Variants in NEBL observed in about 807,000 individuals in gnomAD.
NEBL encodes LIM and SH3 protein 2.
In NEBL, 122 loss-of-function variants were observed where a neutral mutation model predicts 140.2. The observed-to-expected ratio is 0.87, with a 90% CI of 0.75 to 1.01. The LOEUF is 1.01. NEBL is among the 50% of genes least tolerant of loss of function. NEBL has a pLI of 0.00. For missense variants in NEBL, 1,365 were observed against 1,231.3 expected (o/e 1.11, Z -1.62); for synonymous variants, 436 against 398.9 (o/e 1.09, Z -1.11).
At chr10:20,895,247 C>T (rs1024842290) in intron 2 of NEBL, among the ~76,000 whole-genome samples, 1 of 152,062 alleles carries the variant, frequency 6.6e-6, no homozygotes, top group African/African-American at 2.4e-5. Flanking sequence ...AATTGCACTT[C>T]AATAAAAATA....
chr10:21,243,666 A>G (rs1310930668), intron 3 of NEBL, among the ~76,000 whole-genome samples: 1 of 152,124 alleles, frequency 6.6e-6, no homozygotes, highest in African/African-American at 2.4e-5. Flanking sequence ...TAAAAATTTC[A>G]GTAACTGTAA....
chr10:21,019,984 A>C, intron 3 of NEBL: 2 of 790,634 alleles, frequency 2.5e-6, no homozygotes, highest in Non-Finnish European at 4.5e-6. Context: ...CGGAATTCCC[A>C]CACAGGCCTG....
intron 2 of NEBL, chr10:21,030,366 A>G: frequency 1.6e-6 from 1 of 616,078 alleles, no homozygotes; most frequent in Non-Finnish European, 3.0e-6. Flanking sequence ...AGTCAATCAG[A>G]CCAGGATGCA....
At chr10:21,172,833 C>A (rs1841141112) in intron 1 of NEBL, among the ~76,000 whole-genome samples, 1 of 152,112 alleles carries the variant, frequency 6.6e-6, no homozygotes, top group Non-Finnish European at 1.5e-5. Flanking sequence ...GAATCCAGTT[C>A]AAAGTGTCTA....
chr10:20,946,857 A>C (rs1835190148), intron 4 of NEBL, among the ~76,000 whole-genome samples: 1 of 152,180 alleles, frequency 6.6e-6, no homozygotes. Flanking sequence ...ACAAAGGATA[A>C]CATTTATTTT....
At chr10:20,822,675 TAGATATATAGATATATAG>T (rs1311293472) in intron 19 of NEBL, among the ~76,000 whole-genome samples, 15 of 91,306 alleles carry the variant, frequency 1.6e-4, no homozygotes, top group Admixed American at 1.2e-3. Context: ...ATAGAGACTA[TAGATATATAGATATATAG>T]AGACTATAGA....
intron 2 of NEBL, chr10:21,030,845 G>C (rs1276438456): frequency 3.0e-6 from 1 of 332,490 alleles, no homozygotes; most frequent in Non-Finnish European, 5.9e-6. Context: ...CTCCATGCAG[G>C]GGTGGTATTC....
intron 11 of NEBL, among the ~76,000 whole-genome samples, chr10:20,849,481 G>A (rs1842300318): frequency 6.6e-6 from 1 of 152,138 alleles, no homozygotes; most frequent in Non-Finnish European, 1.5e-5. Context: ...ATAGCGCTCT[G>A]CCTCATGAAT....
chr10:21,070,273 C>A (rs1021802333), intron 2 of NEBL, among the ~76,000 whole-genome samples: 5 of 152,066 alleles, frequency 3.3e-5, no homozygotes, highest in Admixed American at 6.6e-5. Context: ...CTGATTAGAT[C>A]ATTTAAGTAA....
In NEBL at chr10:21,278,690, AC is replaced by A. The variant is rs1842954487; in HGVS notation, n.182+14139del. Among the ~76,000 whole-genome samples the A allele has an allele frequency of 2.6e-5, 4 of 152,228 alleles. No individual in the cohort carries two copies. In the South Asian group the frequency reaches 8.3e-4, roughly 32 times the overall value. ...CCAAGAAGAATGCAGAAAGGAAGGGACAGAGGAAGAGAAGGAGTTTTAGAAC... is the reference window on the plus strand; with the variant it reads ...CCAAGAAGAATGCAGAAAGGAAGGGAAGAGGAAGAGAAGGAGTTTTAGAAC... On this transcript the variant is annotated intron_variant and non_coding_transcript_variant, in intron 1 of 8. Transcript: ENST00000675702.
intron 5 of NEBL, among the ~76,000 whole-genome samples, chr10:20,872,517 A>G (rs1420386060): frequency 6.6e-6 from 1 of 152,138 alleles, no homozygotes; most frequent in Admixed American, 6.5e-5. Flanking sequence ...TCCTACACGT[A>G]ACCCATTGCT....
intron 5 of NEBL, among the ~76,000 whole-genome samples, chr10:20,872,355 T>C (rs1845032646): frequency 6.6e-6 from 1 of 152,166 alleles, no homozygotes; most frequent in Non-Finnish European, 1.5e-5. Context: ...CCTGATCACT[T>C]GTCAGATCTT....
intron 9 of NEBL, among the ~76,000 whole-genome samples, chr10:20,857,251 A>G (rs1843169040): frequency 6.6e-6 from 1 of 152,220 alleles, no homozygotes; most frequent in Non-Finnish European, 1.5e-5. Context: ...ATTTCAAAAC[A>G]CTGAAGCCAA....
At chr10:21,012,203 C>T (rs114853097) in intron 3 of NEBL, among the ~76,000 whole-genome samples, 1,865 of 152,100 alleles carry the variant, frequency 0.012, 38 homozygotes, top group African/African-American at 0.041. Context: ...GGTAGGTGCC[C>T]CCCTTCAAGT....
intron 2 of NEBL, chr10:21,172,169 G>T: frequency 1.7e-6 from 1 of 578,800 alleles, no homozygotes; most frequent in Non-Finnish European, 3.1e-6. Flanking sequence ...TAACCTGATT[G>T]AAGATGCATA....
rs144705759 is a variant in NEBL at position 20,826,665 on chromosome 10, G to A, written c.1777-126C>T. On this transcript the variant is annotated intron_variant, in intron 17 of 27. Coordinates refer to ENST00000377122, the MANE Select transcript of NEBL (RefSeq NM_006393.3). ...AATACTGCATCTATTTATGAGTGCCGGAATTATAGGAACAAATTAAATAAT... is the reference window on the plus strand; with the variant it reads ...AATACTGCATCTATTTATGAGTGCCAGAATTATAGGAACAAATTAAATAAT... 3.8e-4 allele frequency: 282 copies of A among 738,078 alleles called. 1 individual carries two copies. Among genetic ancestry groups the A allele is most frequent in the African/African-American group, 2.0e-3 (115 of 56,228 alleles). The allele number at this position is 738,078 out of a possible 1,614,324, so 45.7% of individuals were successfully genotyped here. A position where few individuals can be genotyped will look rare whatever the true frequency, so the allele number is the denominator to read the frequency against.
intron 2 of NEBL, among the ~76,000 whole-genome samples, chr10:21,079,847 C>A (rs1836286555): frequency 6.6e-6 from 1 of 152,166 alleles, no homozygotes; most frequent in African/African-American, 2.4e-5. Context: ...GCCCCACCAC[C>A]CAAGGTAGCT....
chr10:20,868,846 AAAT>A lies in NEBL; in HGVS notation c.583-84_583-82del, dbSNP rs547312512. 451 of 891,904 alleles carry A rather than the reference AAAT, an allele frequency of 5.1e-4. No individual in the cohort carries two copies. The African/African-American group carries it at 5.3e-3, about 11-fold the overall frequency. The allele number at this position is 891,904 out of a possible 1,614,324, so 55.2% of individuals were successfully genotyped here. A position where few individuals can be genotyped will look rare whatever the true frequency, so the allele number is the denominator to read the frequency against. On this transcript the variant is annotated intron_variant, in intron 6 of 27. Transcript: ENST00000377122. ...CATTGACATTAGCCAAAAAAAAAAAAAATAACAGACCTTCATCTCATTAATATT... is the reference window on the plus strand; with the variant it reads ...CATTGACATTAGCCAAAAAAAAAAAAAACAGACCTTCATCTCATTAATATT...
chr10:21,258,145 G>A (rs7904221), intron 1 of NEBL, among the ~76,000 whole-genome samples: 46,489 of 151,772 alleles, frequency 0.31, 10,182 homozygotes, highest in African/African-American at 0.62. Flanking sequence ...GCTATAAGCT[G>A]AGCACAGTGA....
Sources: gnomAD v4.1 joint callset for allele counts (sites outside exome capture counted in the v4.1 genomes callset) on GRCh38, gnomAD v4.1.1 for gene constraint, MANE v1.5 for transcripts, NCBI Gene and HGNC (gene_info 2026-07-23, HGNC 2026-07-21) for gene names.